Variants in RPS29 observed in about 807,000 individuals in gnomAD.
RPS29 encodes the protein small ribosomal subunit protein uS14.
For synonymous variants in RPS29, 37 were observed against 26.9 expected, an observed-to-expected ratio of 1.37 and a Z score of -1.16; for missense variants, 60 against 75.7, an observed-to-expected ratio of 0.79 and a Z score of 0.77.
At chr14:49,585,918 A>G in intron 2 of RPS29, 32 bp downstream of exon 2, 1 of 1,561,538 alleles carries the variant, frequency 6.4e-7, no homozygotes, top group Non-Finnish European at 8.8e-7. Context: ...TTCTCTGCCC[A>G]AACAACATGG....
chr14:49,578,930 ATC>A (rs1428036937), downstream of RPS29, among the ~76,000 whole-genome samples: 2 of 152,132 alleles, frequency 1.3e-5, no homozygotes, highest in African/African-American at 4.8e-5. Flanking sequence ...ACCTGGTTGA[ATC>A]TCTCTTACTA....
chr14:49,585,585 A>C (rs1194690716), intron 2 of RPS29: 2 of 254,834 alleles, frequency 7.8e-6, no homozygotes, highest in African/African-American at 2.3e-5. Flanking sequence ...CCTATCTCTA[A>C]AAAAAAAAAA....
At chr14:49,573,185 T>C (rs578048657) in exon 3 of RPS29, 1 of 151,486 alleles carries the variant, frequency 6.6e-6, no homozygotes, top group African/African-American at 2.4e-5. Context: ...AATAAAAAAA[T>C]AGGCTGGGCG....
At chr14:49,587,138 C>A (rs1385359270), upstream of RPS29, among the ~76,000 whole-genome samples, 2 of 152,028 alleles carry the variant, frequency 1.3e-5, no homozygotes, top group Non-Finnish European at 2.9e-5. Flanking sequence ...TTTTGACACA[C>A]TCCTCCAAGA....
At chr14:49,583,846 A>G (rs1881418687) in intron 2 of RPS29, among the ~76,000 whole-genome samples, 171 bp from the exon 3 acceptor site, 1 of 152,258 alleles carries the variant, frequency 6.6e-6, no homozygotes, top group Non-Finnish European at 1.5e-5. Context: ...TGCCTACTCC[A>G]GAATCAACCA....
chr14:49,586,243 C>T, intron 1 of RPS29, 42 bp downstream of exon 1: 1 of 1,595,698 alleles, frequency 6.3e-7, no homozygotes, highest in Non-Finnish European at 8.6e-7. Context: ...CAGCCTAGCG[C>T]TCCACGGCAA....
At chr14:49,589,365 T>C (rs865986983), upstream of RPS29, among the ~76,000 whole-genome samples, 10 of 152,232 alleles carry the variant, frequency 6.6e-5, no homozygotes, top group African/African-American at 2.4e-4. Flanking sequence ...TATTTTTCTT[T>C]TGAAAAACTA....
chr14:49,577,440 G>C, exon 3 of RPS29: 1 of 383,122 alleles, frequency 2.6e-6, no homozygotes, highest in South Asian at 2.5e-5. Context: ...TGGTGACTCT[G>C]ATGACCACCT....
At chr14:49,580,594 AG>A (rs1430141265), downstream of RPS29, among the ~76,000 whole-genome samples, 4 of 152,250 alleles carry the variant, frequency 2.6e-5, no homozygotes, top group East Asian at 7.7e-4. Context: ...ATTGGCGGCC[AG>A]GAGCGATGGC....
At chr14:49,573,595 G>A (rs1311881088) in exon 3 of RPS29, 1 of 151,998 alleles carries the variant, frequency 6.6e-6, no homozygotes, top group African/African-American at 2.4e-5. Flanking sequence ...ACTGGCCTAA[G>A]ACAAAATTAC....
chr14:49,571,588 G>A (rs1881056971), exon 3 of RPS29: 6 of 152,172 alleles, frequency 3.9e-5, no homozygotes, highest in Admixed American at 3.9e-4. Context: ...GACACCCAGA[G>A]TAAGGGGTAG....
upstream of RPS29, chr14:49,586,755 A>C (rs1881585043): frequency 4.2e-6 from 1 of 237,530 alleles, no homozygotes; most frequent in African/African-American, 2.2e-5. Context: ...TTGCCTAAGG[A>C]GGGGTGAACC....
chr14:49,584,889 C>T (rs1363418466), intron 2 of RPS29, among the ~76,000 whole-genome samples: 1 of 150,388 alleles, frequency 6.6e-6, no homozygotes, highest in African/African-American at 2.4e-5. Flanking sequence ...AAAAAAAAAA[C>T]CCAAACTACT....
chr14:49,581,983 C>A (rs1881348280), downstream of RPS29, among the ~76,000 whole-genome samples: 1 of 134,748 alleles, frequency 7.4e-6, no homozygotes, highest in Non-Finnish European at 1.5e-5. Context: ...TGCACTCCAG[C>A]TTGGGTGATA....
intron 1 of RPS29, chr14:49,598,196 A>G: frequency 5.4e-6 from 3 of 555,996 alleles, no homozygotes; most frequent in Admixed American, 3.5e-5. Flanking sequence ...AGGCGCCTAG[A>G]GCACAAATTT....
upstream of RPS29, among the ~76,000 whole-genome samples, chr14:49,591,203 AAAGT>A (rs1212209728): frequency 1.3e-5 from 2 of 152,184 alleles, no homozygotes; most frequent in Admixed American, 6.5e-5. Context: ...TATATTATCA[AAAGT>A]AAGTCTTTCT....
At chr14:49,586,715 G>GT (rs1334043413), upstream of RPS29, 1 of 257,688 alleles carries the variant, frequency 3.9e-6, no homozygotes, top group Non-Finnish European at 7.9e-6. Context: ...CATCAATATG[G>GT]TGACCTCCCG....
exon 3 of RPS29, chr14:49,574,766 C>CA (rs1308969813): frequency 6.6e-6 from 1 of 152,226 alleles, no homozygotes; most frequent in Non-Finnish European, 1.5e-5. Context: ...TGAGCTGACT[C>CA]AGAGCAAAGC....
chr14:49,584,818 T>C (rs970764955), intron 2 of RPS29, among the ~76,000 whole-genome samples: 40 of 151,826 alleles, frequency 2.6e-4, no homozygotes, highest in African/African-American at 9.4e-4. Context: ...TACAAAATAA[T>C]TGATCAGAAA....
Sources: gnomAD v4.1 joint callset for allele counts (sites outside exome capture counted in the v4.1 genomes callset) on GRCh38, gnomAD v4.1.1 for gene constraint, MANE v1.5 for transcripts, NCBI Gene and HGNC (gene_info 2026-07-23, HGNC 2026-07-21) for gene names.